Variants in MAN1A2 observed in about 807,000 individuals in gnomAD.
MAN1A2 encodes the protein mannosidase alpha class 1A member 2, also known as mannosyl-oligosaccharide 1,2-alpha-mannosidase IB.
A neutral mutation model predicts 75.7 loss-of-function variants in MAN1A2; 26 were observed. That is an observed-to-expected ratio of 0.34 (90% CI 0.25 to 0.48). The LOEUF is 0.48. MAN1A2 is among the 20% of genes least tolerant of loss of function. MAN1A2 has a pLI of 0.99. For synonymous variants in MAN1A2, 247 were observed against 264.6 expected, an observed-to-expected ratio of 0.93 and a Z score of 0.65; for missense variants, 562 against 775.5, an observed-to-expected ratio of 0.72 and a Z score of 3.27.
intron 3 of MAN1A2, among the ~76,000 whole-genome samples, chr1:117,405,958 C>T (rs1647600896): frequency 6.6e-6 from 1 of 151,914 alleles, no homozygotes; most frequent in Non-Finnish European, 1.5e-5. Context: ...TTTTCTTCAA[C>T]ACAATACCTA....
chr1:117,410,611 A>AAAAAAG (rs1228105185), intron 3 of MAN1A2, among the ~76,000 whole-genome samples: 2 of 149,248 alleles, frequency 1.3e-5, no homozygotes, highest in Middle Eastern at 3.5e-3. Flanking sequence ...ACTAAGGCAG[A>AAAAAAG]AAAAAGAAAA....
chr1:117,524,705 T>C lies in MAN1A2; in HGVS notation c.*1748T>C, dbSNP rs1651957690. 6.5e-6 allele frequency: 1 copy of C among 154,580 alleles called. No homozygotes were observed. The highest frequency in any genetic ancestry group is 2.4e-5 in the African/African-American group (1 of 41,430). 9.6% of individuals were successfully genotyped at this position (154,580 alleles called of 1,614,324 possible). On this transcript the variant is annotated 3_prime_UTR_variant, in exon 13 of 13. Transcript: ENST00000356554. ...TAAATGATAACCACTGCAAATTTTT[T>C]CAGTATAAAATTTTTCACTGCAAAA...
chr1:117,380,797 G>A (rs1316535701), intron 1 of MAN1A2, among the ~76,000 whole-genome samples: 5 of 152,132 alleles, frequency 3.3e-5, no homozygotes, highest in Non-Finnish European at 7.4e-5. Context: ...AAATTGAGAA[G>A]TGTTCCAGGT....
At chr1:117,378,409 A>T (rs1008124998) in intron 1 of MAN1A2, among the ~76,000 whole-genome samples, 1 of 152,134 alleles carries the variant, frequency 6.6e-6, no homozygotes, top group Non-Finnish European at 1.5e-5. Context: ...TTATCTTTAC[A>T]ATTTCACTTT....
intron 4 of MAN1A2, among the ~76,000 whole-genome samples, chr1:117,418,933 A>T (rs1277018225): frequency 1.3e-5 from 2 of 152,134 alleles, no homozygotes; most frequent in African/African-American, 4.8e-5. Context: ...AAAATTTCTG[A>T]TAAGGTGACA....
intron 6 of MAN1A2, among the ~76,000 whole-genome samples, chr1:117,448,160 ATATTT>A (rs1441302850): frequency 1.3e-5 from 2 of 152,066 alleles, no homozygotes; most frequent in African/African-American, 4.8e-5. Context: ...CTATTCCTGA[ATATTT>A]TATTCTCCTT....
At chr1:117,502,297 GT>G (rs1163831959) in intron 11 of MAN1A2, among the ~76,000 whole-genome samples, 1 of 151,626 alleles carries the variant, frequency 6.6e-6, no homozygotes, top group Non-Finnish European at 1.5e-5. Context: ...ATTGTAGTAG[GT>G]GGGCTCTTTC....
At chr1:117,458,523 A>ATTTTTTTTTTTTTTTTTTTTTTTTTT (rs5777311) in intron 6 of MAN1A2, among the ~76,000 whole-genome samples, 1 of 105,610 alleles carries the variant, frequency 9.5e-6, no homozygotes, top group Non-Finnish European at 2.0e-5. Context: ...ATATATATAT[A>ATTTTTTTTTTTTTTTTTTTTTTTTTT]TTTTTTTTTT....
chr1:117,397,645 C>CT (rs34594031), intron 1 of MAN1A2, among the ~76,000 whole-genome samples: 13,517 of 105,878 alleles, frequency 0.13, 1,164 homozygotes, highest in African/African-American at 0.19. Context: ...TTATAACCCC[C>CT]TTTTTTTTTT....
At chr1:117,413,863 A>G (rs776013314) in intron 3 of MAN1A2, among the ~76,000 whole-genome samples, 2 of 152,038 alleles carry the variant, frequency 1.3e-5, no homozygotes, top group East Asian at 1.9e-4. Context: ...TTGCTGTACT[A>G]CTAGATTTTT....
At chr1:117,467,015 A>G (rs1158718301) in intron 8 of MAN1A2, among the ~76,000 whole-genome samples, 1 of 152,156 alleles carries the variant, frequency 6.6e-6, no homozygotes, top group Non-Finnish European at 1.5e-5. Flanking sequence ...AAACTGTGGT[A>G]AAAATGATTC....
intron 8 of MAN1A2, among the ~76,000 whole-genome samples, chr1:117,472,826 A>G (rs1355530200): frequency 6.6e-6 from 1 of 151,732 alleles, no homozygotes; most frequent in East Asian, 1.9e-4. Context: ...TTTTTTTTAC[A>G]ATTTTTAAAA....
intron 8 of MAN1A2, among the ~76,000 whole-genome samples, chr1:117,486,747 T>C (rs189151516): frequency 5.9e-5 from 9 of 152,034 alleles, no homozygotes; most frequent in Admixed American, 5.9e-4. Context: ...CAATTTCCAA[T>C]TAATGAGCGT....
At position 117,402,435 on chromosome 1, in the gene MAN1A2, T is replaced by C. The variant is rs762327862; in HGVS notation, c.552T>C (p.Ile184=). Residue 184 remains isoleucine (I), a synonymous_variant, in exon 2 of 13, where the codon ATT becomes ATC. Coordinates refer to ENST00000356554, the MANE Select transcript of MAN1A2 (RefSeq NM_006699.5). ...ACATAAGAGAGAAAAGGGAAAAAAT[T>C]AAAGAGGTAATAAGCTGAGTTTTGT... ...DNDIREKREK[I]KEMMKHAWDN... The C allele has an allele frequency of 8.2e-5, 131 of 1,592,768 alleles. No individual in the cohort carries two copies. The highest frequency in any genetic ancestry group is 5.0e-4 in the Middle Eastern group (3 of 5,950).
intron 6 of MAN1A2, among the ~76,000 whole-genome samples, chr1:117,448,874 CTT>C (rs1463944893): frequency 1.3e-5 from 2 of 151,774 alleles, no homozygotes; most frequent in African/African-American, 4.8e-5. Context: ...TTTCCTTTTT[CTT>C]TTTTTTAAAC....
intron 1 of MAN1A2, among the ~76,000 whole-genome samples, chr1:117,374,429 T>A (rs1653076580): frequency 1.3e-5 from 2 of 152,238 alleles, no homozygotes; most frequent in African/African-American, 4.8e-5. Context: ...GAATTTTTGC[T>A]AGAACTTTAT....
At chr1:117,387,733 T>G (rs1377324601) in intron 1 of MAN1A2, among the ~76,000 whole-genome samples, 2 of 152,076 alleles carry the variant, frequency 1.3e-5, no homozygotes, top group Non-Finnish European at 2.9e-5. Context: ...CAAACATTAT[T>G]TCCCACAGTT....
At position 117,523,985 on chromosome 1, in the gene MAN1A2, A is replaced by G. The variant is rs898552610; in HGVS notation, c.*1028A>G. Reference sequence around the variant, plus strand: ...TTGATAAGCTAAATAAATTACTTTTATAACTTACTAAAGCAGAACAAACAG... The same window carrying G: ...TTGATAAGCTAAATAAATTACTTTTGTAACTTACTAAAGCAGAACAAACAG... On this transcript the variant is annotated 3_prime_UTR_variant, in exon 13 of 13. Transcript: ENST00000356554. 1.2e-4 allele frequency: 18 copies of G among 152,276 alleles called. No homozygotes were observed. The highest frequency in any genetic ancestry group is 4.3e-4 in the African/African-American group (18 of 41,410). The allele number at this position is 152,276 out of a possible 1,614,324, so 9.4% of individuals were successfully genotyped here. A position where few individuals can be genotyped will look rare whatever the true frequency, so the allele number is the denominator to read the frequency against.
rs1570741331 is a variant in MAN1A2 at position 117,433,424 on chromosome 1, C to G, written c.856-8807C>G. On this transcript the variant is annotated intron_variant, in intron 5 of 12. Coordinates refer to ENST00000356554, the MANE Select transcript of MAN1A2 (RefSeq NM_006699.5). Reference sequence around the variant, plus strand: ...CTGATAAGGGACACCTACGAAAACTCTACAGCAAACTATATGTTAATTATA... The same window carrying G: ...CTGATAAGGGACACCTACGAAAACTGTACAGCAAACTATATGTTAATTATA... Among the ~76,000 whole-genome samples the G allele has an allele frequency of 3.3e-5, 5 of 152,236 alleles. No individual in the cohort carries two copies. In the South Asian group the frequency reaches 8.3e-4, roughly 25 times the overall value.
Sources: allele counts gnomAD v4.1 joint callset (sites outside exome capture counted in the v4.1 genomes callset), GRCh38; gene constraint gnomAD v4.1.1; transcripts MANE v1.5; gene names NCBI Gene and HGNC (gene_info 2026-07-23, HGNC 2026-07-21).